The following APP variants were observed in gnomAD, a reference collection of about 807,000 sequenced individuals.
APP encodes amyloid beta precursor protein, also known as amyloid-beta precursor protein.
In APP, 31 loss-of-function variants were observed where a neutral mutation model predicts 101.4. That is an observed-to-expected ratio of 0.31 (90% CI 0.23 to 0.41). The LOEUF (loss-of-function observed/expected upper bound fraction) is 0.41. Among genes scored for constraint, APP ranks in the 10% least tolerant of loss-of-function variants. The pLI is 1.00. For synonymous variants in APP, 366 were observed against 364.4 expected, an observed-to-expected ratio of 1.00 and a Z score of -0.05; for missense variants, 839 against 1,003.7, an observed-to-expected ratio of 0.84 and a Z score of 2.22.
intron 13 of APP, among the ~76,000 whole-genome samples, chr21:25,916,067 T>C (rs922776675): frequency 3.9e-5 from 6 of 152,240 alleles, no homozygotes; most frequent in African/African-American, 1.2e-4. Context: ...CCCCTGGCTA[T>C]GTCATTCAGA....
In APP at chr21:25,954,600, C is replaced by G. The variant is rs576776689; in HGVS notation, c.1677G>C (p.Gln559His). The change falls in exon 13 of 18, where the codon CAG becomes CAC. Residue 559 changes from glutamine to histidine, a missense_variant. By Grantham distance (24) the Gln-to-His change is conservative. Transcript: ENST00000346798. ...YNVPAVAEEI[Q>H]DEVDELLQKE... ...GAACAGCTTACTTACCAACTTCATC[C>G]TGAATCTCCTCGGCCACTGCAGGCA... The G allele has an allele frequency of 1.2e-5, 20 of 1,613,528 alleles. No individual in the cohort carries two copies. The African/African-American group carries it at 2.5e-4, about 20-fold the overall frequency.
rs200335109 is a variant in APP at position 25,955,630 on chromosome 21, G to C, written c.1584C>G (p.Ser528=). 2.5e-6 allele frequency: 4 copies of C among 1,614,054 alleles called. No individual in the cohort carries two copies. The highest frequency in any genetic ancestry group is 3.4e-6 in the Non-Finnish European group (4 of 1,179,994). ...GATGATTATACCCCACGCTTACCTG[G>C]GACCGGATCTGAGCGGCTTTCTTGG... The part of the protein sequence containing the change: ...VDPKKAAQIR[S]QVMTHLRVIY... Residue 528 remains serine (S), a synonymous_variant, in exon 12 of 18, where the codon TCC becomes TCG. Coordinates refer to ENST00000346798, the MANE Select transcript of APP (RefSeq NM_000484.4).
intron 6 of APP, among the ~76,000 whole-genome samples, chr21:26,014,529 C>T (rs368889661): frequency 1.1e-4 from 17 of 152,228 alleles, no homozygotes; most frequent in African/African-American, 4.1e-4. Flanking sequence ...ACTTTTGTTC[C>T]GGGCTGAGCA....
intron 16 of APP, among the ~76,000 whole-genome samples, chr21:25,893,761 T>C (rs758466159): frequency 9.9e-5 from 15 of 152,238 alleles, no homozygotes; most frequent in Non-Finnish European, 2.2e-4. Context: ...CAAGTGCTGA[T>C]GTAGAAGCTG....
intron 11 of APP, among the ~76,000 whole-genome samples, chr21:25,958,498 CCA>C (rs2041428542): frequency 6.6e-6 from 1 of 152,146 alleles, no homozygotes; most frequent in African/African-American, 2.4e-5. Context: ...AGGATGGTCT[CCA>C]TCTCCTGACC....
intron 3 of APP, among the ~76,000 whole-genome samples, chr21:26,061,905 G>A (rs2046278152): frequency 6.6e-6 from 1 of 152,120 alleles, no homozygotes; most frequent in African/African-American, 2.4e-5. Context: ...CACACAGATG[G>A]CAGAGTGAGT....
intron 1 of APP, among the ~76,000 whole-genome samples, chr21:26,114,773 T>C (rs908352477): frequency 2.0e-5 from 3 of 152,240 alleles, no homozygotes; most frequent in Non-Finnish European, 2.9e-5. Flanking sequence ...TTCTTGACTT[T>C]ACAGCTATTT....
intron 1 of APP, among the ~76,000 whole-genome samples, chr21:26,142,065 T>A (rs913464414): frequency 1.3e-5 from 2 of 152,132 alleles, no homozygotes; most frequent in African/African-American, 2.4e-5. Context: ...GGAAACAGTA[T>A]CCAGAATCCA....
At chr21:25,939,661 A>AT (rs2040494141) in intron 13 of APP, among the ~76,000 whole-genome samples, 1 of 152,052 alleles carries the variant, frequency 6.6e-6, no homozygotes, top group African/African-American at 2.4e-5. Context: ...AAAGTTTCTT[A>AT]TTTTTTCAGT....
At position 26,028,420 on chromosome 21, in the gene APP, C is replaced by T. The variant is rs562102133; in HGVS notation, c.663-6378G>A. 6.6e-5 allele frequency among the ~76,000 whole-genome samples: 10 copies of T among 152,068 alleles called. No homozygotes were observed. In the South Asian group the frequency reaches 1.7e-3, roughly 25 times the overall value. On this transcript the variant is annotated intron_variant, in intron 5 of 17. Transcript: ENST00000346798. ...GCGAGCCAGAGGCATCTGAGTTGGC[C>T]GGAAGTGATAGGTGGCTGTGGGGAT... is the stretch of plus-strand genomic sequence containing the variant.
chr21:25,894,722 C>T (rs2037917753), intron 16 of APP, among the ~76,000 whole-genome samples: 1 of 152,194 alleles, frequency 6.6e-6, no homozygotes, highest in Non-Finnish European at 1.5e-5. Context: ...GGTGAAGATG[C>T]TATGAACACT....
intron 8 of APP, among the ~76,000 whole-genome samples, chr21:25,988,057 A>G (rs1346914064): frequency 2.6e-5 from 4 of 152,196 alleles, no homozygotes; most frequent in Non-Finnish European, 5.9e-5. Context: ...GGTAGACCGC[A>G]GTAAGTGAGC....
At chr21:25,902,755 CT>C (rs1273259693) in intron 15 of APP, among the ~76,000 whole-genome samples, 1 of 152,194 alleles carries the variant, frequency 6.6e-6, no homozygotes, top group African/African-American at 2.4e-5. Context: ...CTTAATGTTG[CT>C]TTGTATTTCC....
intron 3 of APP, among the ~76,000 whole-genome samples, chr21:26,078,136 T>C (rs2061532379): frequency 6.6e-6 from 1 of 152,240 alleles, no homozygotes. Context: ...CTTTAAAAAT[T>C]CATTCTTTAT....
At chr21:26,055,236 G>A (rs950873667) in intron 3 of APP, among the ~76,000 whole-genome samples, 7 of 152,194 alleles carry the variant, frequency 4.6e-5, no homozygotes, top group East Asian at 1.9e-4. Flanking sequence ...GCCACATCAC[G>A]GGTTCTTTTA....
intron 1 of APP, among the ~76,000 whole-genome samples, chr21:26,143,574 A>T (rs1040256597): frequency 6.6e-6 from 1 of 152,200 alleles, no homozygotes; most frequent in African/African-American, 2.4e-5. Flanking sequence ...GTGTGGTAAG[A>T]ATATTTAACA....
At chr21:25,994,694 T>C (rs146481409) in intron 8 of APP, among the ~76,000 whole-genome samples, 6 of 152,180 alleles carry the variant, frequency 3.9e-5, no homozygotes, top group Non-Finnish European at 8.8e-5. Flanking sequence ...TGGCTCTAGA[T>C]TGTTGAAGGA....
chr21:25,881,618 T>C lies in APP; in HGVS notation c.*52A>G, dbSNP rs985159470. 4 of 1,549,374 alleles carry C rather than the reference T, an allele frequency of 2.6e-6. 1 individual carries two copies. In the Admixed American group the frequency reaches 6.7e-5, roughly 26 times the overall value. On this transcript the variant is annotated 3_prime_UTR_variant, in exon 18 of 18. Transcript: ENST00000346798. ...TATTCTATAAATGGACACCGATGGG[T>C]AGTGAAGCAATGGTTTTGCTGTCCA...
intron 3 of APP, among the ~76,000 whole-genome samples, chr21:26,058,722 G>A (rs1855350409): frequency 6.6e-6 from 1 of 152,122 alleles, no homozygotes; most frequent in Non-Finnish European, 1.5e-5. Context: ...GATCACTTGA[G>A]CCCAGGAATT....
Sources: gnomAD v4.1 joint callset for allele counts (sites outside exome capture counted in the v4.1 genomes callset) on GRCh38, gnomAD v4.1.1 for gene constraint, MANE v1.5 for transcripts, NCBI Gene and HGNC (gene_info 2026-07-23, HGNC 2026-07-21) for gene names.